JADE1: variants seen among roughly 807,000 people sequenced by gnomAD.
JADE1 encodes jade family PHD finger 1, also known as protein Jade-1.
A neutral mutation model predicts 81.8 loss-of-function variants in JADE1; 14 were observed. The ratio of observed to expected loss-of-function variants is 0.17; its 90% CI spans 0.11 to 0.27. The LOEUF (loss-of-function observed/expected upper bound fraction) is 0.27, where lower values mean the gene tolerates loss of function less well. JADE1 is among the 10% of genes least tolerant of loss of function. The pLI is 1.00. For synonymous variants in JADE1, 353 were observed against 391.9 expected, an observed-to-expected ratio of 0.90 and a Z score of 1.17; for missense variants, 690 against 1,047.9, an observed-to-expected ratio of 0.66 and a Z score of 4.71.
intron 1 of JADE1, among the ~76,000 whole-genome samples, chr4:128,828,968 CTT>C (rs1353540087): frequency 6.6e-6 from 1 of 152,120 alleles, no homozygotes; most frequent in Non-Finnish European, 1.5e-5. Context: ...TTTTAGCACT[CTT>C]TTGTAATGTT....
rs1329509723 is a variant in JADE1 at position 128,873,299 on chromosome 4, GAAA to G, written c.*1042_*1044del. ...AAAAAAAGAAAAAAAAAAGAAAAAAGAAAAAAAGAGAAAAAAGCGAAATAGGTT... is the reference window on the plus strand; with the variant it reads ...AAAAAAAGAAAAAAAAAAGAAAAAAGAAAAGAGAAAAAAGCGAAATAGGTT... On this transcript the variant is annotated 3_prime_UTR_variant, in exon 11 of 11. Coordinates refer to ENST00000226319, the MANE Select transcript of JADE1 (RefSeq NM_199320.4). The G allele has an allele frequency of 4.9e-5, 6 of 121,406 alleles. No individual in the cohort carries two copies. The highest frequency in any genetic ancestry group is 1.6e-4 in the Admixed American group (2 of 12,562). The allele number at this position is 121,406 out of a possible 1,614,324, so 7.5% of individuals were successfully genotyped here.
intron 1 of JADE1, among the ~76,000 whole-genome samples, chr4:128,827,321 A>C (rs951299166): frequency 6.6e-6 from 1 of 152,238 alleles, no homozygotes; most frequent in Admixed American, 6.5e-5. Flanking sequence ...AAGTTCTAAA[A>C]GAGGAAGAAA....
chr4:128,828,020 T>C, intron 1 of JADE1: 1 of 297,766 alleles, frequency 3.4e-6, no homozygotes, highest in Non-Finnish European at 5.0e-6. Flanking sequence ...CCACCTTTTG[T>C]ATTCCTGTAG....
Position 128,873,080 on chromosome 4 carries a change from G to C in JADE1, c.*818G>C. ...TAACCACTGGCTCTTGAGCCAGCTT[G>C]GGATTTCCCTGGCCATTGCCAATAC... On this transcript the variant is annotated 3_prime_UTR_variant, in exon 11 of 11. Transcript: ENST00000226319. 6 of 345,908 alleles carry C rather than the reference G, an allele frequency of 1.7e-5. No individual in the cohort carries two copies. Among genetic ancestry groups the C allele is most frequent in the South Asian group, 1.1e-4 (5 of 47,016 alleles). The allele number at this position is 345,908 out of a possible 1,614,324, so 21.4% of individuals were successfully genotyped here. A position where few individuals can be genotyped will look rare whatever the true frequency, so the allele number is the denominator to read the frequency against.
chr4:128,850,148 G>C (rs1401779617), intron 5 of JADE1, among the ~76,000 whole-genome samples: 2 of 151,626 alleles, frequency 1.3e-5, no homozygotes, highest in African/African-American at 2.4e-5. Flanking sequence ...ACAAAAATTA[G>C]CTAGGCGTCG....
chr4:128,818,030 T>C (rs1727195048), intron 1 of JADE1, among the ~76,000 whole-genome samples: 1 of 152,202 alleles, frequency 6.6e-6, no homozygotes, highest in Admixed American at 6.5e-5. Context: ...AGGGGTTTTC[T>C]TTTGAGAAAA....
intron 1 of JADE1, among the ~76,000 whole-genome samples, chr4:128,819,598 G>A (rs926691171): frequency 1.3e-5 from 2 of 152,258 alleles, no homozygotes; most frequent in South Asian, 2.1e-4. Context: ...CTACCACTCC[G>A]GGAGAACTCA....
Position 128,849,046 on chromosome 4 carries a change from T to C in JADE1, c.363T>C (p.Ser121=). The change falls in exon 5 of 11, where the codon TCT becomes TCC. Residue 121 remains serine (S), a synonymous_variant. Coordinates refer to ENST00000226319, the MANE Select transcript of JADE1 (RefSeq NM_199320.4). ...RPKKYIVSSG[S]EPPELGYVDI... is the part of the protein sequence containing the mutation. ...AGAAGTACATCGTGTCATCAGGCTC[T>C]GAGCCTCCCGAGTTGGGCTATGTGG... The C allele has an allele frequency of 6.2e-7, 1 of 1,614,166 alleles. No individual in the cohort carries two copies. Among genetic ancestry groups the C allele is most frequent in the Non-Finnish European group, 8.5e-7 (1 of 1,180,014 alleles).
At chr4:128,834,530 CTTTTTTTTTTTT>C (rs202245727) in intron 2 of JADE1, among the ~76,000 whole-genome samples, 1 of 99,220 alleles carries the variant, frequency 1.0e-5, no homozygotes, top group Non-Finnish European at 2.1e-5. Flanking sequence ...CCAAATATTT[CTTTTTTTTTTTT>C]TTTTTTTTTG....
rs1209509142 is a variant in JADE1, at chr4:128,871,857, G to A, written c.2124G>A (p.Gln708=). The part of the protein sequence containing the change: ...TRAATSPGVG[Q]SAPGTRKEIV... ...CTGCCACCTCCCCTGGAGTGGGGCA[G>A]TCAGCACCTGGCACAAGGAAGGAGA... Residue 708 remains glutamine, a synonymous_variant, in exon 11 of 11, where the codon CAG becomes CAA. Coordinates refer to ENST00000226319, the MANE Select transcript of JADE1 (RefSeq NM_199320.4). This position sits in a 1 kb window ranked among gnomAD's most constrained non-coding sequence, Gnocchi z 4.1. 2.5e-6 allele frequency: 4 copies of A among 1,613,954 alleles called. No homozygotes were observed. The highest frequency in any genetic ancestry group is 3.3e-5 in the Admixed American group (2 of 59,998).
At chr4:128,863,381 C>CTGAA (rs2125893349) in intron 9 of JADE1, 1 of 985,510 alleles carries the variant, frequency 1.0e-6, no homozygotes, top group Non-Finnish European at 1.2e-6. Context: ...GCAGTCTGCA[C>CTGAA]TGAAAGGTAC....
Position 128,872,935 on chromosome 4 carries a change from G to A in JADE1, c.*673G>A. 2.2e-6 allele frequency: 1 copy of A among 456,032 alleles called. No individual in the cohort carries two copies. Among genetic ancestry groups the A allele is most frequent in the Non-Finnish European group, 4.4e-6 (1 of 226,426 alleles). 28.2% of individuals were successfully genotyped at this position (456,032 alleles called of 1,614,324 possible). A position where few individuals can be genotyped will look rare whatever the true frequency, so the allele number is the denominator to read the frequency against. On this transcript the variant is annotated 3_prime_UTR_variant, in exon 11 of 11. Coordinates refer to ENST00000226319, the MANE Select transcript of JADE1 (RefSeq NM_199320.4). ...ATATGGCAAGGTCCTGCTGCTTGAA[G>A]CCTGTGAGTGGGTTGTGGATATGGG...
chr4:128,862,475 T>A, intron 9 of JADE1: 1 of 1,365,916 alleles, frequency 7.3e-7, no homozygotes, highest in Non-Finnish European at 9.4e-7. Flanking sequence ...CATTAATCTT[T>A]ACTGTTTTGT....
chr4:128,835,106 G>A (rs1262361084), intron 2 of JADE1, among the ~76,000 whole-genome samples: 1 of 152,212 alleles, frequency 6.6e-6, no homozygotes, highest in African/African-American at 2.4e-5. Context: ...TCAAGAAGCT[G>A]GGGATGGAGA....
intron 9 of JADE1, chr4:128,863,242 A>G (rs1731513491): frequency 1.0e-6 from 1 of 985,384 alleles, no homozygotes; most frequent in Admixed American, 6.2e-5. Context: ...CCCTGTAGGT[A>G]GTTTCTGGCT....
chr4:128,870,065 T>A (rs1204050005), intron 10 of JADE1, among the ~76,000 whole-genome samples: 1 of 152,154 alleles, frequency 6.6e-6, no homozygotes, highest in Non-Finnish European at 1.5e-5. Flanking sequence ...GGAGGCTCTT[T>A]AGAGACATGG....
chr4:128,868,050 C>A, intron 10 of JADE1, 77 bp downstream of exon 10: 1 of 698,594 alleles, frequency 1.4e-6, no homozygotes, highest in Non-Finnish European at 2.4e-6. Flanking sequence ...AAGAAATAAT[C>A]ATTTCTTAAT....
At chr4:128,838,113 G>A (rs1729129544) in intron 2 of JADE1, among the ~76,000 whole-genome samples, 2 of 152,138 alleles carry the variant, frequency 1.3e-5, no homozygotes, top group African/African-American at 4.8e-5. Flanking sequence ...AGGACCTGAA[G>A]GAACGTTGTG....
chr4:128,819,785 A>G (rs749532300), intron 1 of JADE1, among the ~76,000 whole-genome samples: 6 of 152,220 alleles, frequency 3.9e-5, no homozygotes, highest in Non-Finnish European at 7.3e-5. Flanking sequence ...GCTCTCTGAT[A>G]ACGTATCATG....
Sources: allele counts gnomAD v4.1 joint callset (sites outside exome capture counted in the v4.1 genomes callset), GRCh38; gene constraint gnomAD v4.1.1; non-coding constraint Gnocchi (gnomAD v3.1); transcripts MANE v1.5; gene names NCBI Gene and HGNC (gene_info 2026-07-23, HGNC 2026-07-21).